The following PRKN variants were observed in gnomAD, a reference collection of about 807,000 sequenced individuals.
The protein encoded by PRKN is E3 ubiquitin-protein ligase parkin.
In PRKN, 56 loss-of-function variants were observed where a neutral mutation model predicts 59.5. The observed-to-expected ratio is 0.94, with a 90% confidence interval of 0.76 to 1.18. The LOEUF (loss-of-function observed/expected upper bound fraction) is 1.18, where lower values mean the gene tolerates loss of function less well. Ranked by LOEUF, PRKN falls within the 50% of genes most tolerant of loss-of-function variation. PRKN has a pLI of 0.00. For missense variants in PRKN, 657 were observed against 596.4 expected (o/e 1.10, Z -1.06); for synonymous variants, 250 against 222.1 (o/e 1.13, Z -1.12).
chr6:161,489,243 A>AC (rs397736655), intron 9 of PRKN, among the ~76,000 whole-genome samples: 1 of 151,548 alleles, frequency 6.6e-6, no homozygotes, highest in East Asian at 1.9e-4. Context: ...AAAAAAAAAA[A>AC]CATGGGCAAT....
chr6:162,517,428 T>C (rs1367111577), intron 1 of PRKN, among the ~76,000 whole-genome samples: 2 of 151,638 alleles, frequency 1.3e-5, no homozygotes, highest in Admixed American at 6.6e-5. Flanking sequence ...GTTTTTTTTT[T>C]TGTATTTTTA....
chr6:162,344,400 C>A (rs955486941), intron 2 of PRKN, among the ~76,000 whole-genome samples: 2 of 151,946 alleles, frequency 1.3e-5, no homozygotes, highest in African/African-American at 4.8e-5. Flanking sequence ...ATTTTAATTC[C>A]TAATGTAAAT....
In PRKN at chr6:162,643,539, A is replaced by C. The variant is rs1174097910; in HGVS notation, c.7+84123T>G. ...CATTTCGGCGGGGAGGCAGAACGAC[A>C]GAAAATCATACACATTTTCCATTAA... On this transcript the variant is annotated intron_variant, in intron 1 of 11. Coordinates refer to ENST00000366898, the MANE Select transcript of PRKN (RefSeq NM_004562.3). Among the ~76,000 whole-genome samples the C allele has an allele frequency of 2.0e-5, 3 of 152,310 alleles. No individual in the cohort carries two copies. In the East Asian group the frequency reaches 5.8e-4, roughly 29 times the overall value.
Position 161,811,836 on chromosome 6 carries a change from C to T in PRKN, c.735-25928G>A, listed in dbSNP as rs537403456. On this transcript the variant is annotated intron_variant, in intron 6 of 11. Transcript: ENST00000366898. ...ACTCAGGAGGCTGAGGCAGGGGTAT[C>T]GCTTGAACCTGGGAGGTGGAGGTTG... is the stretch of plus-strand genomic sequence containing the variant. 1.0e-3 allele frequency among the ~76,000 whole-genome samples: 152 copies of T among 151,682 alleles called. No homozygotes were observed. In the Middle Eastern group the frequency reaches 0.014, roughly 14 times the overall value.
intron 3 of PRKN, among the ~76,000 whole-genome samples, chr6:162,213,181 T>C (rs1162021854): frequency 6.6e-6 from 1 of 152,016 alleles, no homozygotes; most frequent in Non-Finnish European, 1.5e-5. Context: ...GAAAGTGGGG[T>C]GGTGGTCCTA....
At position 161,368,382 on chromosome 6, in the gene PRKN, GATATATATATATAT is replaced by G. The variant is rs34367069; in HGVS notation, c.1168-8191_1168-8178del. Among the ~76,000 whole-genome samples the G allele has an allele frequency of 1.8e-4, 18 of 99,328 alleles. 1 individual carries two copies. Among genetic ancestry groups the G allele is most frequent in the Non-Finnish European group, 4.0e-5 (2 of 49,732 alleles). 65.2% of individuals were successfully genotyped at this position (99,328 alleles called of 152,430 possible). A position where few individuals can be genotyped will look rare whatever the true frequency, so the allele number is the denominator to read the frequency against. ...GTATATATATAGCAACCTCAGTCTT[GATATATATATATAT>G]ATATATATATATGCTGGGCCTGGTG... On this transcript the variant is annotated intron_variant, in intron 10 of 11. Transcript: ENST00000366898.
rs371070531 is a variant in PRKN, at chr6:161,475,116, C to T, written c.1083+73738G>A. Among the ~76,000 whole-genome samples the T allele has an allele frequency of 6.6e-5, 10 of 152,114 alleles. No homozygotes were observed. The East Asian group carries it at 7.7e-4, about 12-fold the overall frequency. On this transcript the variant is annotated intron_variant, in intron 9 of 11. Coordinates refer to ENST00000366898, the MANE Select transcript of PRKN (RefSeq NM_004562.3). The surrounding 1 kb of genome is among the most constrained non-coding windows in gnomAD (Gnocchi z 5.3). ...TTCACCATGTTGGCCAGGATGGTCT[C>T]GATCTCTTGACCTCATGATCTGCCT...
chr6:162,282,087 C>A (rs910082358), intron 2 of PRKN, among the ~76,000 whole-genome samples: 2 of 152,218 alleles, frequency 1.3e-5, no homozygotes, highest in African/African-American at 4.8e-5. Flanking sequence ...CCCTGCTGTG[C>A]AGCCCAGGTC....
At chr6:161,936,926 T>A (rs1220271004) in intron 6 of PRKN, among the ~76,000 whole-genome samples, 1 of 151,894 alleles carries the variant, frequency 6.6e-6, no homozygotes, top group East Asian at 1.9e-4. Context: ...GCTGGGATTA[T>A]GGGCGCTCAC....
In PRKN at chr6:161,897,984, A is replaced by AAAAAAAAAAAAAAAAAAAAAAAT. The variant is rs1554244227; in HGVS notation, c.734+75317_734+75318insATTTTTTTTTTTTTTTTTTTTTT. On this transcript the variant is annotated intron_variant, in intron 6 of 11. Coordinates refer to ENST00000366898, the MANE Select transcript of PRKN (RefSeq NM_004562.3). ...TCCGTCTCAAAAAAAAAAAAAAAAAAGTCTCCCAGTTGCATAGAAAAGGTT... is the reference window on the plus strand; with the variant it reads ...TCCGTCTCAAAAAAAAAAAAAAAAAAAAAAAAAAAAAAAAAAAAAAAATGTCTCCCAGTTGCATAGAAAAGGTT... Among the ~76,000 whole-genome samples, 119 of 117,622 alleles carry AAAAAAAAAAAAAAAAAAAAAAAT rather than the reference A, an allele frequency of 1.0e-3. 14 individuals are homozygous for AAAAAAAAAAAAAAAAAAAAAAAT. The highest frequency in any genetic ancestry group is 4.5e-3 in the African/African-American group (108 of 23,982). 77.2% of individuals were successfully genotyped at this position (117,622 alleles called of 152,430 possible).
intron 1 of PRKN, among the ~76,000 whole-genome samples, chr6:162,529,718 A>G (rs1265932266): frequency 6.6e-6 from 1 of 152,102 alleles, no homozygotes; most frequent in Non-Finnish European, 1.5e-5. Context: ...AATGTGTAGG[A>G]CAACTGAAGT....
chr6:161,919,166 A>G (rs1778686403), intron 6 of PRKN, among the ~76,000 whole-genome samples: 1 of 152,206 alleles, frequency 6.6e-6, no homozygotes, highest in South Asian at 2.1e-4. Flanking sequence ...GTATCCTTGC[A>G]ATGGAGTTTT....
At position 161,423,250 on chromosome 6, in the gene PRKN, A is replaced by G. The variant is rs759083315; in HGVS notation, c.1084-36373T>C. On this transcript the variant is annotated intron_variant, in intron 9 of 11. Coordinates refer to ENST00000366898, the MANE Select transcript of PRKN (RefSeq NM_004562.3). This position sits in a 1 kb window ranked among gnomAD's most constrained non-coding sequence, Gnocchi z 5.9. ...AATGAATAGGGAGGCACTCACGTTA[A>G]TTTTTCTCAACTAGTATCTGAAGGG... 3.3e-5 allele frequency among the ~76,000 whole-genome samples: 5 copies of G among 152,038 alleles called. No homozygotes were observed. Among genetic ancestry groups the G allele is most frequent in the Non-Finnish European group, 5.9e-5 (4 of 68,012 alleles).
chr6:161,455,542 T>C (rs910756469), intron 9 of PRKN, among the ~76,000 whole-genome samples: 1 of 152,074 alleles, frequency 6.6e-6, no homozygotes, highest in Non-Finnish European at 1.5e-5. Flanking sequence ...GGAAATCACA[T>C]CCGGTCCCTG....
intron 2 of PRKN, among the ~76,000 whole-genome samples, chr6:162,431,253 A>C (rs1356474195): frequency 8.3e-6 from 1 of 120,316 alleles, no homozygotes; most frequent in Non-Finnish European, 1.7e-5. Context: ...TGGTGAATGG[A>C]TAGTAATTGA....
rs190188343 is a variant in PRKN at position 161,353,360 on chromosome 6, C to T, written c.1286-3149G>A. Among the ~76,000 whole-genome samples, 140 of 152,272 alleles carry T rather than the reference C, an allele frequency of 9.2e-4. 1 individual carries two copies. Among genetic ancestry groups the T allele is most frequent in the African/African-American group, 3.3e-3 (137 of 41,558 alleles). On this transcript the variant is annotated intron_variant, in intron 11 of 11. Transcript: ENST00000366898. This position sits in a 1 kb window ranked among gnomAD's most constrained non-coding sequence, Gnocchi z 4.8. ...ACAGGGAGGCCAAGAAGAATCTAGACCGGCAGGCCTTGCAGGGTCTCCCCA... is the reference window on the plus strand; with the variant it reads ...ACAGGGAGGCCAAGAAGAATCTAGATCGGCAGGCCTTGCAGGGTCTCCCCA...
chr6:162,565,121 AAAGTT>A (rs1468718295), intron 1 of PRKN, among the ~76,000 whole-genome samples: 1 of 152,238 alleles, frequency 6.6e-6, no homozygotes, highest in Non-Finnish European at 1.5e-5. Context: ...GCCAGGGGAT[AAAGTT>A]AAGGTATAGA....
intron 2 of PRKN, among the ~76,000 whole-genome samples, chr6:162,281,175 C>T (rs1294636760): frequency 6.6e-6 from 1 of 151,904 alleles, no homozygotes; most frequent in Non-Finnish European, 1.5e-5. Context: ...GACAGAAAAC[C>T]AAACCCCGCA....
chr6:161,759,181 A>C (rs1268519816), intron 7 of PRKN, among the ~76,000 whole-genome samples: 1 of 152,096 alleles, frequency 6.6e-6, no homozygotes, highest in Non-Finnish European at 1.5e-5. Context: ...TTAAAAAAAA[A>C]AAAAACAAAA....
Sources: allele counts gnomAD v4.1 joint callset (sites outside exome capture counted in the v4.1 genomes callset), GRCh38; gene constraint gnomAD v4.1.1; non-coding constraint Gnocchi (gnomAD v3.1); transcripts MANE v1.5; gene names NCBI Gene and HGNC (gene_info 2026-07-23, HGNC 2026-07-21).